The following CNBD1 variants were observed in gnomAD, a reference collection of about 807,000 sequenced individuals.
CNBD1 encodes cyclic nucleotide binding domain containing 1.
Under a neutral mutation model 54.4 loss-of-function variants are expected in CNBD1, and 71 were observed. The observed-to-expected ratio is 1.30, with a 90% CI of 1.08 to 1.59. The LOEUF (loss-of-function observed/expected upper bound fraction) is 1.59. CNBD1 is among the 40% of genes most tolerant of loss of function. CNBD1 has a pLI of 0.00. For missense variants in CNBD1, 659 were observed against 518.0 expected, an observed-to-expected ratio of 1.27 and a Z score of -2.64; for synonymous variants, 182 against 170.7, an observed-to-expected ratio of 1.07 and a Z score of -0.51.
At chr8:86,943,170 C>T (rs1807377011) in intron 4 of CNBD1, among the ~76,000 whole-genome samples, 1 of 151,610 alleles carries the variant, frequency 6.6e-6, no homozygotes, top group African/African-American at 2.4e-5. Flanking sequence ...ATCATGAGGT[C>T]AAGAGATGGA....
chr8:86,966,893 T>C (rs1808091381), intron 4 of CNBD1, among the ~76,000 whole-genome samples: 1 of 152,166 alleles, frequency 6.6e-6, no homozygotes, highest in Non-Finnish European at 1.5e-5. Context: ...TATTCCCTTA[T>C]TTGGCCCCAC....
At chr8:87,370,060 T>C (rs1810741700) in intron 10 of CNBD1, among the ~76,000 whole-genome samples, 2 of 152,012 alleles carry the variant, frequency 1.3e-5, no homozygotes, top group Non-Finnish European at 2.9e-5. Context: ...CATGAACTCA[T>C]CATTTTTTAT....
chr8:87,410,264 A>G (rs184204036), intron 2 of CNBD1, among the ~76,000 whole-genome samples: 1 of 152,278 alleles, frequency 6.6e-6, no homozygotes, highest in African/African-American at 2.4e-5. Flanking sequence ...TTGAAAAGTA[A>G]TTTCGATTTT....
chr8:87,273,968 T>C (rs1808423349), intron 6 of CNBD1, among the ~76,000 whole-genome samples: 2 of 137,520 alleles, frequency 1.5e-5, no homozygotes, highest in Non-Finnish European at 3.1e-5. Context: ...CCCCTTCCTG[T>C]GTCCATGTGT....
At chr8:87,315,725 G>A (rs1809372394) in intron 8 of CNBD1, among the ~76,000 whole-genome samples, 1 of 152,014 alleles carries the variant, frequency 6.6e-6, no homozygotes, top group South Asian at 2.1e-4. Flanking sequence ...CATAGCAGCT[G>A]GGAATGTAGG....
intron 4 of CNBD1, among the ~76,000 whole-genome samples, chr8:86,992,960 C>T (rs577455781): frequency 3.9e-5 from 6 of 152,014 alleles, no homozygotes; most frequent in Non-Finnish European, 5.9e-5. Context: ...TAGTACCTAC[C>T]AGAGGTTCTC....
At chr8:86,902,759 G>T (rs1431790004) in intron 2 of CNBD1, among the ~76,000 whole-genome samples, 1 of 151,842 alleles carries the variant, frequency 6.6e-6, no homozygotes, top group African/African-American at 2.4e-5. Flanking sequence ...ACATCTTCAG[G>T]ACAGAATTGA....
At chr8:87,354,269 T>C (rs928712923) in intron 10 of CNBD1, among the ~76,000 whole-genome samples, 1 of 128,686 alleles carries the variant, frequency 7.8e-6, no homozygotes, top group Non-Finnish European at 1.8e-5. Context: ...AGTCACACAA[T>C]AGTAAGTGAA....
chr8:86,870,799 C>A (rs1459324411), intron 1 of CNBD1, among the ~76,000 whole-genome samples: 1 of 151,814 alleles, frequency 6.6e-6, no homozygotes, highest in East Asian at 1.9e-4. Flanking sequence ...TATAAAGAAA[C>A]CAAGTTTAAG....
intron 8 of CNBD1, among the ~76,000 whole-genome samples, chr8:87,334,397 A>T (rs1331730740): frequency 1.3e-5 from 2 of 151,598 alleles, no homozygotes. Context: ...CTCTGATCTC[A>T]GTCATTTCCT....
intron 5 of CNBD1, among the ~76,000 whole-genome samples, chr8:87,223,168 T>A (rs1007839621): frequency 2.0e-5 from 3 of 151,280 alleles, no homozygotes; most frequent in Non-Finnish European, 2.9e-5. Flanking sequence ...CATACGTATT[T>A]AATCTATCCT....
At chr8:87,240,062 C>T (rs1277269081) in intron 6 of CNBD1, among the ~76,000 whole-genome samples, 2 of 119,730 alleles carry the variant, frequency 1.7e-5, no homozygotes, top group Non-Finnish European at 3.5e-5. Flanking sequence ...TGGTCTGTGC[C>T]AAAACACACA....
At chr8:87,376,800 T>C (rs890871659) in intron 10 of CNBD1, among the ~76,000 whole-genome samples, 1 of 151,860 alleles carries the variant, frequency 6.6e-6, no homozygotes, top group Non-Finnish European at 1.5e-5. Context: ...ACATAGAAAT[T>C]TGTAAGTATT....
At chr8:87,089,627 GCTT>G (rs1392505443) in intron 4 of CNBD1, among the ~76,000 whole-genome samples, 8 of 152,130 alleles carry the variant, frequency 5.3e-5, no homozygotes, top group African/African-American at 1.7e-4. Flanking sequence ...ATTTGAAGAT[GCTT>G]CTTTCAATAA....
chr8:86,896,609 A>G (rs1808851687), intron 2 of CNBD1, among the ~76,000 whole-genome samples: 1 of 151,984 alleles, frequency 6.6e-6, no homozygotes, highest in African/African-American at 2.4e-5. Context: ...TTGTGTTGTT[A>G]TTTGTGTATA....
chr8:87,327,526 G>C (rs559519728), intron 8 of CNBD1, among the ~76,000 whole-genome samples: 1 of 152,286 alleles, frequency 6.6e-6, no homozygotes, highest in African/African-American at 2.4e-5. Context: ...TTTTAAGCCG[G>C]TCTGAAAAGC....
Position 87,291,870 on chromosome 8 carries a change from G to C in CNBD1, c.1042+5199G>C, listed in dbSNP as rs758985862. ...TGTCCACTAGACTTAAAATTTCTTTGGAATGGAACCATCTTATTTTTTAGT... is the reference window on the plus strand; with the variant it reads ...TGTCCACTAGACTTAAAATTTCTTTCGAATGGAACCATCTTATTTTTTAGT... On this transcript the variant is annotated intron_variant, in intron 8 of 10. Coordinates refer to ENST00000518476, the MANE Select transcript of CNBD1 (RefSeq NM_173538.3). 2.5e-4 allele frequency among the ~76,000 whole-genome samples: 38 copies of C among 151,988 alleles called. 1 individual carries two copies. Among genetic ancestry groups the C allele is most frequent in the Admixed American group, 2.6e-4 (4 of 15,240 alleles).
rs4598261 is a variant in CNBD1 at position 87,051,678 on chromosome 8, G to A, written c.431+111924G>A. ...GGAGCATGTCCTTAAGGCACAGATC[G>A]CTCATGCTATTGTTTGTGGTTTAAG... On this transcript the variant is annotated intron_variant, in intron 4 of 10. Coordinates refer to ENST00000518476, the MANE Select transcript of CNBD1 (RefSeq NM_173538.3). 7.2e-5 allele frequency among the ~76,000 whole-genome samples: 11 copies of A among 152,288 alleles called. No homozygotes were observed. In the East Asian group the frequency reaches 1.9e-3, roughly 27 times the overall value.
chr8:87,263,560 G>A lies in CNBD1; in HGVS notation c.772-21118G>A, dbSNP rs561935062. Among the ~76,000 whole-genome samples, 140 of 152,046 alleles carry A rather than the reference G, an allele frequency of 9.2e-4. 2 individuals are homozygous for A. The highest frequency in any genetic ancestry group is 3.3e-3 in the African/African-American group (135 of 41,506). ...TAGGTAAGTAATTGTTTTTTTCAAA[G>A]CGTTTACATTATATTCACATAGAAT... On this transcript the variant is annotated intron_variant, in intron 6 of 10. Coordinates refer to ENST00000518476, the MANE Select transcript of CNBD1 (RefSeq NM_173538.3).
Sources: gnomAD v4.1 joint callset for allele counts (sites outside exome capture counted in the v4.1 genomes callset) on GRCh38, gnomAD v4.1.1 for gene constraint, MANE v1.5 for transcripts, NCBI Gene and HGNC (gene_info 2026-07-23, HGNC 2026-07-21) for gene names.